The following PDGFC variants were observed in gnomAD, a reference collection of about 807,000 sequenced individuals.
PDGFC encodes the protein platelet-derived growth factor C.
In PDGFC, 12 loss-of-function variants were observed where a neutral mutation model predicts 35.5. The ratio of observed to expected loss-of-function variants is 0.34; its 90% CI spans 0.22 to 0.55. The LOEUF (loss-of-function observed/expected upper bound fraction) is 0.55. Ranked by LOEUF, PDGFC falls within the 20% of genes least tolerant of loss-of-function variation. The pLI is 0.91. For synonymous variants in PDGFC, 159 were observed against 148.8 expected, an observed-to-expected ratio of 1.07 and a Z score of -0.50; for missense variants, 322 against 412.4, an observed-to-expected ratio of 0.78 and a Z score of 1.90.
At chr4:156,884,807 C>T (rs528186504) in intron 1 of PDGFC, among the ~76,000 whole-genome samples, 1 of 152,216 alleles carries the variant, frequency 6.6e-6, no homozygotes, top group South Asian at 2.1e-4. Context: ...CAATAGAAAG[C>T]ATTTCATTGA....
chr4:156,790,624 G>A (rs150530922), intron 3 of PDGFC, among the ~76,000 whole-genome samples: 286 of 152,286 alleles, frequency 1.9e-3, no homozygotes, highest in African/African-American at 6.5e-3. Context: ...AGCAAACAAT[G>A]TATGTCTATT....
intron 3 of PDGFC, chr4:156,779,241 C>A (rs761449363): frequency 4.5e-6 from 2 of 446,418 alleles, no homozygotes; most frequent in African/African-American, 2.0e-5. Flanking sequence ...CGAATTCATT[C>A]AAAAAGTTAT....
chr4:156,780,910 A>G (rs1730961133), intron 3 of PDGFC, among the ~76,000 whole-genome samples: 2 of 152,068 alleles, frequency 1.3e-5, no homozygotes, highest in South Asian at 2.1e-4. Flanking sequence ...TGCTCTGCAG[A>G]TTTTCTTTTA....
chr4:156,795,369 A>G (rs6820233), intron 3 of PDGFC, among the ~76,000 whole-genome samples: 14,771 of 152,182 alleles, frequency 0.097, 878 homozygotes, highest in South Asian at 0.16. Flanking sequence ...ATTAAAAGGT[A>G]TCTTTAAGTT....
intron 1 of PDGFC, 34 bp from the exon 2 acceptor site, chr4:156,850,450 T>C (rs200660314): frequency 1.5e-6 from 2 of 1,293,392 alleles, no homozygotes; most frequent in Non-Finnish European, 2.1e-6. Context: ...GACATACATT[T>C]AGATTTCAAA....
intron 2 of PDGFC, among the ~76,000 whole-genome samples, chr4:156,837,006 C>T (rs1276836722): frequency 2.6e-5 from 4 of 152,020 alleles, no homozygotes; most frequent in South Asian, 2.1e-4. Context: ...GGAACCTGAA[C>T]AGAATCTAGT....
chr4:156,888,064 C>G (rs139785730), intron 1 of PDGFC, among the ~76,000 whole-genome samples: 13 of 150,280 alleles, frequency 8.7e-5, no homozygotes, highest in African/African-American at 2.9e-4. Flanking sequence ...GGGCTGTGTA[C>G]TACAGTTCAA....
chr4:156,883,284 A>T (rs928453694), intron 1 of PDGFC, among the ~76,000 whole-genome samples: 2 of 152,086 alleles, frequency 1.3e-5, no homozygotes, highest in Non-Finnish European at 2.9e-5. Flanking sequence ...ACTAGGTCCA[A>T]CTCTGTTTAC....
chr4:156,798,255 T>C (rs1236746666), intron 3 of PDGFC, among the ~76,000 whole-genome samples: 1 of 152,138 alleles, frequency 6.6e-6, no homozygotes, highest in Non-Finnish European at 1.5e-5. Context: ...GAGGCAGCTT[T>C]AGGCTAAACC....
intron 1 of PDGFC, among the ~76,000 whole-genome samples, chr4:156,895,429 T>C (rs1297571291): frequency 6.6e-6 from 1 of 151,810 alleles, no homozygotes; most frequent in Non-Finnish European, 1.5e-5. Flanking sequence ...GGTCAGGAGT[T>C]CAAGATCAGC....
intron 2 of PDGFC, among the ~76,000 whole-genome samples, chr4:156,828,866 C>T (rs551515546): frequency 6.6e-6 from 1 of 152,138 alleles, no homozygotes; most frequent in South Asian, 2.1e-4. Context: ...AAAATGCAGA[C>T]TCCAGAGGCA....
At chr4:156,807,916 G>A (rs1028998721) in intron 3 of PDGFC, among the ~76,000 whole-genome samples, 10 of 152,020 alleles carry the variant, frequency 6.6e-5, no homozygotes, top group African/African-American at 2.4e-4. Flanking sequence ...ATATACTAAT[G>A]TTTATAAAAT....
At chr4:156,928,731 G>A (rs1434627389) in intron 1 of PDGFC, among the ~76,000 whole-genome samples, 8 of 152,116 alleles carry the variant, frequency 5.3e-5, no homozygotes, top group Non-Finnish European at 1.5e-5. Flanking sequence ...TCCTTTTATG[G>A]TGTTAAAGAC....
At chr4:156,920,501 T>C (rs919025722) in intron 1 of PDGFC, among the ~76,000 whole-genome samples, 2 of 152,170 alleles carry the variant, frequency 1.3e-5, no homozygotes, top group African/African-American at 2.4e-5. Flanking sequence ...CTGCAATGCC[T>C]CAATAAAATG....
chr4:156,966,778 AC>A (rs1385317980), intron 1 of PDGFC, among the ~76,000 whole-genome samples: 1 of 152,204 alleles, frequency 6.6e-6, no homozygotes, highest in Non-Finnish European at 1.5e-5. Flanking sequence ...TATTTAACAA[AC>A]GATATATTAG....
intron 2 of PDGFC, among the ~76,000 whole-genome samples, chr4:156,838,199 A>G (rs1458201781): frequency 1.3e-5 from 2 of 152,204 alleles, no homozygotes; most frequent in Non-Finnish European, 2.9e-5. Flanking sequence ...AAGCACCAAT[A>G]GCAGAGATGG....
intron 2 of PDGFC, among the ~76,000 whole-genome samples, chr4:156,839,933 C>T (rs1373611348): frequency 6.6e-6 from 1 of 152,108 alleles, no homozygotes; most frequent in Admixed American, 6.5e-5. Flanking sequence ...ATGTGTGGAA[C>T]TTTGAACTTG....
At chr4:156,793,678 C>T (rs925669830) in intron 3 of PDGFC, among the ~76,000 whole-genome samples, 1 of 151,204 alleles carries the variant, frequency 6.6e-6, no homozygotes, top group Non-Finnish European at 1.5e-5. Context: ...GGGCAGTGGC[C>T]TGGAATCAGA....
intron 3 of PDGFC, among the ~76,000 whole-genome samples, chr4:156,784,660 A>G (rs1002914070): frequency 6.6e-6 from 1 of 152,232 alleles, no homozygotes; most frequent in African/African-American, 2.4e-5. Flanking sequence ...AAATACGTGT[A>G]TATTTGCAAT....
Sources: gnomAD v4.1 joint callset for allele counts (sites outside exome capture counted in the v4.1 genomes callset) on GRCh38, gnomAD v4.1.1 for gene constraint, MANE v1.5 for transcripts, NCBI Gene and HGNC (gene_info 2026-07-23, HGNC 2026-07-21) for gene names.